The following BLTP1 variants were observed in gnomAD, a reference collection of about 807,000 sequenced individuals.
BLTP1 encodes bridge-like lipid transfer protein family member 1.
the BLTP1 span, among the ~76,000 whole-genome samples, chr4:122,179,476 A>G: frequency 2.0e-5 from 3 of 152,220 alleles, no homozygotes; most frequent in East Asian, 5.8e-4. Context: ...CCATGCTTAC[A>G]TGGTCTGTAT....
At chr4:122,262,764 G>A in the BLTP1 span, 1 of 1,575,696 alleles carries the variant, frequency 6.3e-7, no homozygotes, top group Non-Finnish European at 8.6e-7. Context: ...CTTTCTGTAG[G>A]GCATTCACCC....
chr4:122,246,270 G>A, the BLTP1 span: 1 of 1,599,638 alleles, frequency 6.3e-7, no homozygotes, highest in Non-Finnish European at 8.5e-7. Context: ...ACAATTAAAG[G>A]TCTTCAGACT....
At chr4:122,214,153 T>G in the BLTP1 span, 1 of 874,862 alleles carries the variant, frequency 1.1e-6, no homozygotes, top group Non-Finnish European at 1.4e-6. Flanking sequence ...TCTTTTAGCC[T>G]ATTGTTATTT....
At chr4:122,152,936 G>T in the BLTP1 span, 25 of 948,470 alleles carry the variant, frequency 2.6e-5, no homozygotes, top group Non-Finnish European at 3.1e-5. Context: ...AGCTGCACTG[G>T]GTTGTAGTAG....
the BLTP1 span, chr4:122,249,798 G>A: frequency 1.4e-6 from 2 of 1,453,904 alleles, no homozygotes; most frequent in Non-Finnish European, 1.8e-6. Flanking sequence ...AAAGCAGAAA[G>A]TGTGGTATCT....
the BLTP1 span, among the ~76,000 whole-genome samples, chr4:122,259,680 T>A: frequency 2.0e-5 from 3 of 152,026 alleles, no homozygotes; most frequent in Non-Finnish European, 4.4e-5. Context: ...GCCAAGATGG[T>A]GAAACCCCAT....
the BLTP1 span, chr4:122,348,567 A>G: frequency 6.3e-7 from 1 of 1,583,502 alleles, no homozygotes; most frequent in Non-Finnish European, 8.6e-7. Context: ...CTATTTTTAG[A>G]TTCACTTTCA....
chr4:122,333,598 TA>T, the BLTP1 span: 3 of 1,549,098 alleles, frequency 1.9e-6, no homozygotes, highest in Non-Finnish European at 2.6e-6. Context: ...TGTCATTTTT[TA>T]AAAAGATAAG....
chr4:122,199,338 T>G, the BLTP1 span: 1 of 1,608,562 alleles, frequency 6.2e-7, no homozygotes, highest in Non-Finnish European at 8.5e-7. Flanking sequence ...TGGTTCTTAG[T>G]TTTTATGTTT....
the BLTP1 span, chr4:122,316,657 T>C: frequency 1.3e-6 from 2 of 1,548,182 alleles, no homozygotes; most frequent in African/African-American, 1.4e-5. Context: ...TGATTTAAGG[T>C]GTTAATTTTG....
chr4:122,209,503 G>C, the BLTP1 span: 1 of 296,478 alleles, frequency 3.4e-6, no homozygotes, highest in Non-Finnish European at 5.0e-6. Context: ...AAATTAGCTG[G>C]GCATCATGGC....
At chr4:122,208,597 AAAAAATATCTGTGG>A in the BLTP1 span, 1 of 979,108 alleles carries the variant, frequency 1.0e-6, no homozygotes, top group Non-Finnish European at 1.2e-6. Context: ...CTGAACTTAA[AAAAAATATCTGTGG>A]ATACCCATGG....
the BLTP1 span, chr4:122,328,594 GT>G: frequency 1.2e-5 from 11 of 939,944 alleles, no homozygotes; most frequent in Non-Finnish European, 1.4e-5. Context: ...TGTCACCTAA[GT>G]TTAATTATCT....
chr4:122,260,245 T>A, the BLTP1 span, among the ~76,000 whole-genome samples: 2 of 152,192 alleles, frequency 1.3e-5, no homozygotes, highest in African/African-American at 4.8e-5. Context: ...ACAGTAAAAA[T>A]ATGATATTAT....
chr4:122,234,888 A>C, the BLTP1 span: 1 of 1,613,846 alleles, frequency 6.2e-7, no homozygotes, highest in African/African-American at 1.3e-5. Context: ...AGATTTCTTC[A>C]AACTTGAAGA....
the BLTP1 span, chr4:122,304,960 T>C: frequency 1.2e-6 from 2 of 1,613,838 alleles, no homozygotes; most frequent in South Asian, 2.2e-5. Flanking sequence ...AAATCTGGCA[T>C]TAGGACAAAT....
chr4:122,207,491 T>G, the BLTP1 span: 147 of 1,520,050 alleles, frequency 9.7e-5, 1 homozygote, highest in Non-Finnish European at 1.2e-4. Flanking sequence ...TAATGGACAT[T>G]AAAAGTAAAT....
chr4:122,352,289 C>T, the BLTP1 span, among the ~76,000 whole-genome samples: 2 of 150,246 alleles, frequency 1.3e-5, no homozygotes, highest in African/African-American at 2.4e-5. Context: ...TTGAGAATTA[C>T]ATAAAATTCC....
the BLTP1 span, among the ~76,000 whole-genome samples, chr4:122,230,766 C>T: frequency 6.6e-6 from 1 of 152,118 alleles, no homozygotes; most frequent in African/African-American, 2.4e-5. Flanking sequence ...TTTCCATCCC[C>T]ATCTTCCCCA....
Sources: gnomAD v4.1 joint callset for allele counts (sites outside exome capture counted in the v4.1 genomes callset) on GRCh38, gnomAD v4.1.1 for gene constraint, MANE v1.5 for transcripts, NCBI Gene and HGNC (gene_info 2026-07-23, HGNC 2026-07-21) for gene names.